Variants in ST6GALNAC3 observed in about 807,000 individuals in gnomAD.
The protein encoded by ST6GALNAC3 is alpha-N-acetylgalactosaminide alpha-2,6-sialyltransferase 3.
A neutral mutation model predicts 32.7 loss-of-function variants in ST6GALNAC3; 25 were observed. The ratio of observed to expected loss-of-function variants is 0.76; its 90% CI spans 0.56 to 1.07. ST6GALNAC3 has a LOEUF of 1.07. Ranked by LOEUF, ST6GALNAC3 falls within the 50% of genes least tolerant of loss-of-function variation. ST6GALNAC3 has a pLI of 0.00. For synonymous variants in ST6GALNAC3, 129 were observed against 133.1 expected, an observed-to-expected ratio of 0.97 and a Z score of 0.21; for missense variants, 355 against 382.4, an observed-to-expected ratio of 0.93 and a Z score of 0.60.
chr1:76,622,345 A>AAAAAGT (rs1267024349), intron 3 of ST6GALNAC3, among the ~76,000 whole-genome samples: 1 of 151,976 alleles, frequency 6.6e-6, no homozygotes, highest in African/African-American at 2.4e-5. Flanking sequence ...TTCTAAGGTT[A>AAAAAGT]AAAAGTAAGA....
At chr1:76,336,817 G>A (rs960316758) in intron 2 of ST6GALNAC3, among the ~76,000 whole-genome samples, 6 of 152,184 alleles carry the variant, frequency 3.9e-5, no homozygotes, top group African/African-American at 1.4e-4. Context: ...GCAAGGCATT[G>A]TGAGAGTCTG....
At chr1:76,415,110 C>T (rs924321716) in intron 3 of ST6GALNAC3, among the ~76,000 whole-genome samples, 1 of 150,466 alleles carries the variant, frequency 6.6e-6, no homozygotes, top group Non-Finnish European at 1.5e-5. Flanking sequence ...ATCACATTCC[C>T]ATGATCTTTC....
rs187945151 is a variant in ST6GALNAC3 at position 76,130,133 on chromosome 1, G to A, written c.18+55249G>A. On this transcript the variant is annotated intron_variant, in intron 1 of 4. Transcript: ENST00000328299. ...TCTTATTTAAGAGGCACTTTGCTGG[G>A]AGCATATACATGAGTGATAAAGATT... is the stretch of plus-strand genomic sequence containing the variant. Among the ~76,000 whole-genome samples the A allele has an allele frequency of 1.5e-3, 222 of 152,266 alleles. 1 individual carries two copies. Among genetic ancestry groups the A allele is most frequent in the African/African-American group, 5.0e-3 (206 of 41,530 alleles).
At chr1:76,530,823 C>A (rs962956164) in intron 3 of ST6GALNAC3, among the ~76,000 whole-genome samples, 25 of 152,244 alleles carry the variant, frequency 1.6e-4, no homozygotes, top group Admixed American at 4.6e-4. Flanking sequence ...AGAGCCAGAA[C>A]TTCATACCCT....
chr1:76,244,464 G>A (rs961659337), intron 1 of ST6GALNAC3, among the ~76,000 whole-genome samples: 2 of 152,038 alleles, frequency 1.3e-5, no homozygotes, highest in Non-Finnish European at 2.9e-5. Context: ...AATTTCCCTG[G>A]CCAGAACTTC....
intron 3 of ST6GALNAC3, among the ~76,000 whole-genome samples, chr1:76,539,577 G>T (rs1663854060): frequency 6.6e-6 from 1 of 151,978 alleles, no homozygotes; most frequent in African/African-American, 2.4e-5. Context: ...GCGTGAACAG[G>T]CAACCTGCAC....
intron 1 of ST6GALNAC3, among the ~76,000 whole-genome samples, chr1:76,179,672 G>A (rs1052227801): frequency 3.9e-5 from 6 of 152,106 alleles, no homozygotes; most frequent in Non-Finnish European, 8.8e-5. Context: ...TTCCCATCAG[G>A]ATCTACCTTG....
intron 3 of ST6GALNAC3, among the ~76,000 whole-genome samples, chr1:76,601,935 AG>A (rs1332398231): frequency 6.6e-6 from 1 of 152,202 alleles, no homozygotes; most frequent in Non-Finnish European, 1.5e-5. Flanking sequence ...CTGGATGGCG[AG>A]GAAGGTATCC....
In ST6GALNAC3 at chr1:76,558,054, A is replaced by G. The variant is rs986477007; in HGVS notation, c.624-69398A>G. 2.6e-5 allele frequency among the ~76,000 whole-genome samples: 4 copies of G among 152,146 alleles called. No homozygotes were observed. In the East Asian group the frequency reaches 7.7e-4, roughly 29 times the overall value. On this transcript the variant is annotated intron_variant, in intron 3 of 4. Transcript: ENST00000328299. ...AACTACAATGAGACACCCCCTCACA[A>G]AAGTCAGAATGGCTATTACTACAAA...
intron 3 of ST6GALNAC3, among the ~76,000 whole-genome samples, chr1:76,503,490 A>G (rs1017474748): frequency 6.6e-6 from 1 of 152,222 alleles, no homozygotes; most frequent in Non-Finnish European, 1.5e-5. Flanking sequence ...CTGACTGGTA[A>G]TAGCAAAATC....
intron 3 of ST6GALNAC3, among the ~76,000 whole-genome samples, chr1:76,520,487 T>TAC (rs1006559711): frequency 9.1e-4 from 137 of 151,036 alleles, no homozygotes; most frequent in African/African-American, 2.9e-3. Context: ...CATACACACA[T>TAC]ACACACACAC....
intron 3 of ST6GALNAC3, among the ~76,000 whole-genome samples, chr1:76,609,634 T>C (rs1322660125): frequency 6.6e-6 from 1 of 152,206 alleles, no homozygotes; most frequent in East Asian, 1.9e-4. Flanking sequence ...GATTATTGTC[T>C]GATCAAATCA....
At chr1:76,598,205 T>C (rs1235017184) in intron 3 of ST6GALNAC3, among the ~76,000 whole-genome samples, 2 of 152,152 alleles carry the variant, frequency 1.3e-5, no homozygotes, top group Non-Finnish European at 2.9e-5. Context: ...CACAGCCTAA[T>C]GACCTCCCAA....
chr1:76,407,543 G>T (rs919024340), intron 2 of ST6GALNAC3, among the ~76,000 whole-genome samples: 2 of 152,068 alleles, frequency 1.3e-5, no homozygotes, highest in Admixed American at 6.6e-5. Flanking sequence ...ACCCAGACAG[G>T]GTTGGCTGAA....
intron 3 of ST6GALNAC3, among the ~76,000 whole-genome samples, chr1:76,587,318 T>G (rs568295677): frequency 6.6e-6 from 1 of 152,290 alleles, no homozygotes; most frequent in South Asian, 2.1e-4. Flanking sequence ...CAGTACACAG[T>G]GAGTGTGTAC....
At chr1:76,383,802 C>G (rs997888685) in intron 2 of ST6GALNAC3, among the ~76,000 whole-genome samples, 2 of 152,092 alleles carry the variant, frequency 1.3e-5, no homozygotes, top group African/African-American at 4.8e-5. Flanking sequence ...AAGGCTCTTG[C>G]AATGTTTCAG....
At chr1:76,414,111 G>T (rs774849937) in intron 3 of ST6GALNAC3, among the ~76,000 whole-genome samples, 10 of 152,012 alleles carry the variant, frequency 6.6e-5, no homozygotes, top group Non-Finnish European at 1.3e-4. Context: ...AATTGTAAAA[G>T]AATTGGGAGA....
At chr1:76,368,423 A>G (rs1296186941) in intron 2 of ST6GALNAC3, among the ~76,000 whole-genome samples, 1 of 151,356 alleles carries the variant, frequency 6.6e-6, no homozygotes, top group East Asian at 1.9e-4. Flanking sequence ...GTAATTCTTC[A>G]GCTATTAGCA....
chr1:76,247,988 CA>C (rs908020001), intron 1 of ST6GALNAC3, among the ~76,000 whole-genome samples: 1 of 151,746 alleles, frequency 6.6e-6, no homozygotes, highest in African/African-American at 2.4e-5. Flanking sequence ...CTGCGGATTG[CA>C]AAAATCTGTG....
Sources: allele counts gnomAD v4.1 joint callset (sites outside exome capture counted in the v4.1 genomes callset), GRCh38; gene constraint gnomAD v4.1.1; transcripts MANE v1.5; gene names NCBI Gene and HGNC (gene_info 2026-07-23, HGNC 2026-07-21).